ARHGEF26: variants seen among roughly 807,000 people sequenced by gnomAD.
ARHGEF26 encodes the protein Rho guanine nucleotide exchange factor 26.
Under a neutral mutation model 89.4 loss-of-function variants are expected in ARHGEF26, and 59 were observed. The observed-to-expected ratio is 0.66, with a 90% CI of 0.54 to 0.82. ARHGEF26 has a LOEUF of 0.82. Among genes scored for constraint, ARHGEF26 ranks in the 40% least tolerant of loss-of-function variants. The pLI is 0.00. For missense variants in ARHGEF26, 1,234 were observed against 1,085.6 expected (o/e 1.14, Z -1.92); for synonymous variants, 500 against 428.4 (o/e 1.17, Z -2.06).
chr3:154,199,204 C>T (rs1216350900), intron 9 of ARHGEF26, among the ~76,000 whole-genome samples: 2 of 151,846 alleles, frequency 1.3e-5, no homozygotes, highest in African/African-American at 4.8e-5. Context: ...CCACCTCCTC[C>T]CCAGCCCCCG....
At chr3:154,153,367 A>C (rs1480117617) in intron 6 of ARHGEF26, among the ~76,000 whole-genome samples, 4 of 152,170 alleles carry the variant, frequency 2.6e-5, no homozygotes. Flanking sequence ...CATGAAGAGT[A>C]GATAAAATCA....
chr3:154,203,005 G>A (rs148707104), intron 9 of ARHGEF26, among the ~76,000 whole-genome samples: 1,764 of 152,208 alleles, frequency 0.012, 33 homozygotes, highest in African/African-American at 0.041. Flanking sequence ...TCTCCTGCCT[G>A]ATTGCCCTGG....
intron 11 of ARHGEF26, among the ~76,000 whole-genome samples, chr3:154,231,955 T>C (rs1716853033): frequency 6.6e-6 from 1 of 152,134 alleles, no homozygotes; most frequent in Admixed American, 6.5e-5. Context: ...ACATTGTTGC[T>C]GAAAAATGTG....
At chr3:154,239,261 G>GAGA in intron 11 of ARHGEF26, among the ~76,000 whole-genome samples, 1 of 105,586 alleles carries the variant, frequency 9.5e-6, no homozygotes, top group Non-Finnish European at 1.8e-5. Context: ...AGAGAGAGAG[G>GAGA]GAGAGAGAGA....
chr3:154,190,293 C>T (rs1424507875), intron 7 of ARHGEF26, among the ~76,000 whole-genome samples: 1 of 152,172 alleles, frequency 6.6e-6, no homozygotes, highest in East Asian at 1.9e-4. Flanking sequence ...AGGTGGATTA[C>T]TTGAGGCCAG....
intron 12 of ARHGEF26, 100 bp from the exon 13 acceptor site, chr3:154,253,016 C>G: frequency 7.5e-7 from 1 of 1,328,026 alleles, no homozygotes; most frequent in Non-Finnish European, 1.1e-6. Flanking sequence ...TAGAGAATCT[C>G]TTGTTTTCTG....
At chr3:154,216,478 GTTTTTTTTTT>G (rs1199918146) in intron 9 of ARHGEF26, among the ~76,000 whole-genome samples, 3 of 37,698 alleles carry the variant, frequency 8.0e-5, no homozygotes, top group African/African-American at 3.5e-4. Context: ...TTCAGCACTT[GTTTTTTTTTT>G]TTTATTTTTT....
chr3:154,141,854 T>G (rs1719405636), intron 4 of ARHGEF26, among the ~76,000 whole-genome samples: 1 of 152,222 alleles, frequency 6.6e-6, no homozygotes, highest in East Asian at 1.9e-4. Context: ...AAGACTTTAT[T>G]TTGCATTCAA....
intron 12 of ARHGEF26, among the ~76,000 whole-genome samples, chr3:154,251,766 A>G (rs1475731385): frequency 6.6e-6 from 1 of 152,200 alleles, no homozygotes; most frequent in Non-Finnish European, 1.5e-5. Context: ...TCATTTGCAA[A>G]AAGTACAAAA....
intron 4 of ARHGEF26, among the ~76,000 whole-genome samples, chr3:154,145,804 C>T (rs995187417): frequency 7.2e-5 from 11 of 152,282 alleles, no homozygotes; most frequent in African/African-American, 2.6e-4. Context: ...TAGATAAGTT[C>T]TGTGTAAATG....
intron 6 of ARHGEF26, among the ~76,000 whole-genome samples, chr3:154,153,196 C>T (rs927576481): frequency 1.3e-5 from 2 of 152,124 alleles, no homozygotes; most frequent in African/African-American, 4.8e-5. Flanking sequence ...CTTCTGATTA[C>T]ATCAAGGAAA....
At chr3:154,181,664 A>G (rs571496952) in intron 6 of ARHGEF26, among the ~76,000 whole-genome samples, 1 of 152,288 alleles carries the variant, frequency 6.6e-6, no homozygotes, top group East Asian at 1.9e-4. Flanking sequence ...TGCAGCTGGC[A>G]TTGAAGAAAC....
intron 10 of ARHGEF26, among the ~76,000 whole-genome samples, chr3:154,218,329 G>GT (rs1715907939): frequency 6.6e-6 from 1 of 152,180 alleles, no homozygotes; most frequent in South Asian, 2.1e-4. Flanking sequence ...AGCTGGACCA[G>GT]TGTTCTCCTA....
At chr3:154,169,331 T>A (rs1025635084) in intron 6 of ARHGEF26, among the ~76,000 whole-genome samples, 5 of 152,096 alleles carry the variant, frequency 3.3e-5, no homozygotes, top group African/African-American at 1.2e-4. Flanking sequence ...AAATCAATAC[T>A]TGTGGTTTTA....
chr3:154,190,030 T>A (rs9862845), intron 7 of ARHGEF26, among the ~76,000 whole-genome samples: 28,543 of 151,542 alleles, frequency 0.19, 2,925 homozygotes, highest in South Asian at 0.36. Context: ...ACATTTTTTT[T>A]AAAAAAAATG....
chr3:154,143,915 T>C lies in ARHGEF26; in HGVS notation c.1270-5474T>C, dbSNP rs150046316. The stretch of plus-strand genomic sequence containing the variant: ...CATGAGAACTGCATCTCTTGCTCAT[T>C]TGGGGGATAGAGAATACATAAATTT... On this transcript the variant is annotated intron_variant, in intron 4 of 14. Transcript: ENST00000465093. Among the ~76,000 whole-genome samples the C allele has an allele frequency of 1.3e-4, 20 of 152,282 alleles. No individual in the cohort carries two copies. The East Asian group carries it at 3.9e-3, about 29-fold the overall frequency.
At chr3:154,238,980 G>A (rs930701773) in intron 11 of ARHGEF26, among the ~76,000 whole-genome samples, 1 of 152,136 alleles carries the variant, frequency 6.6e-6, no homozygotes, top group African/African-American at 2.4e-5. Flanking sequence ...TTAAATAATG[G>A]TTGGTGTTGA....
chr3:154,203,224 G>T (rs1223445088), intron 9 of ARHGEF26, among the ~76,000 whole-genome samples: 10 of 152,032 alleles, frequency 6.6e-5, no homozygotes, highest in East Asian at 3.9e-4. Context: ...GTTGAATTTT[G>T]TCAAAGGCCT....
At chr3:154,224,849 A>G (rs1023825621) in intron 10 of ARHGEF26, among the ~76,000 whole-genome samples, 1 of 152,204 alleles carries the variant, frequency 6.6e-6, no homozygotes, top group Admixed American at 6.5e-5. Context: ...AAAGTTTAAA[A>G]TAAATATGAA....
Sources: allele counts gnomAD v4.1 joint callset (sites outside exome capture counted in the v4.1 genomes callset), GRCh38; gene constraint gnomAD v4.1.1; transcripts MANE v1.5; gene names NCBI Gene and HGNC (gene_info 2026-07-23, HGNC 2026-07-21).